TP53AIP1: variants seen among roughly 807,000 people sequenced by gnomAD.
The protein encoded by TP53AIP1 is p53-regulated apoptosis-inducing protein 1.
In TP53AIP1, 14 loss-of-function variants were observed where a neutral mutation model predicts 9.5. The ratio of observed to expected loss-of-function variants is 1.47; its 90% confidence interval spans 0.97 to 2.30. The LOEUF is 2.30. Among genes scored for constraint, TP53AIP1 ranks in the 30% most tolerant of loss-of-function variants. TP53AIP1 has a pLI of 0.00. For synonymous variants in TP53AIP1, 73 were observed against 61.2 expected, an observed-to-expected ratio of 1.19 and a Z score of -0.90; for missense variants, 153 against 146.7, an observed-to-expected ratio of 1.04 and a Z score of -0.22.
chr11:128,941,461 A>G (rs541170856), intron 1 of TP53AIP1, among the ~76,000 whole-genome samples: 26 of 152,288 alleles, frequency 1.7e-4, no homozygotes, highest in African/African-American at 6.0e-4. Context: ...CTGGTGTGTG[A>G]TGTGTGCAGT....
chr11:128,935,024 G>C, downstream of TP53AIP1: 1 of 703,128 alleles, frequency 1.4e-6, no homozygotes, highest in Non-Finnish European at 2.6e-6. Context: ...CTGCACACAG[G>C]CCAGGCAAGC....
rs1299862031 is a variant in TP53AIP1 at position 128,937,795 on chromosome 11, G to A, written c.24C>T (p.Ser8=). The A allele has an allele frequency of 1.2e-6, 2 of 1,612,562 alleles. No individual in the cohort carries two copies. Among genetic ancestry groups the A allele is most frequent in the African/African-American group, 2.7e-5 (2 of 74,834 alleles). The stretch of plus-strand genomic sequence containing the variant: ...TGCAGGAAGCTTGAGCAGATCTGAA[G>A]CTCGCCTCAGAGGAAGATCCCATCC... MGSSSEA[S]FRSAQASCSG... Residue 8 remains serine, a synonymous_variant, in exon 2 of 4, where the codon AGC becomes AGT. Transcript: ENST00000531399. The surrounding 1 kb of genome is among the most constrained non-coding windows in gnomAD (Gnocchi z 4.8).
chr11:128,935,877 G>A, intron 3 of TP53AIP1, 165 bp from the exon 4 acceptor site: 12 of 1,303,006 alleles, frequency 9.2e-6, no homozygotes, highest in Middle Eastern at 2.7e-4. Flanking sequence ...TCCCAAGACA[G>A]GAAAAAAAAT....
At chr11:128,934,866 C>G, downstream of TP53AIP1, 1 of 627,916 alleles carries the variant, frequency 1.6e-6, no homozygotes. Flanking sequence ...GTCATGCCCA[C>G]TGGGGATCCT....
At chr11:128,938,802 G>A (rs568328825) in intron 1 of TP53AIP1, among the ~76,000 whole-genome samples, 1 of 152,226 alleles carries the variant, frequency 6.6e-6, no homozygotes, top group East Asian at 1.9e-4. Flanking sequence ...GGAGACAGCG[G>A]CTCTCCACAC....
chr11:128,936,362 T>C lies in TP53AIP1; in HGVS notation c.253+176A>G, dbSNP rs141554269. On this transcript the variant is annotated intron_variant, in intron 3 of 3. Coordinates refer to ENST00000531399, the MANE Select transcript of TP53AIP1 (RefSeq NM_022112.3). Reference sequence around the variant, plus strand: ...TTTTAATTTGAGAAATTAAATAAAATACATCCACAGCAGTTTACAACTCTG... The same window carrying C: ...TTTTAATTTGAGAAATTAAATAAAACACATCCACAGCAGTTTACAACTCTG... 1,471 of 1,395,872 alleles carry C rather than the reference T, an allele frequency of 1.1e-3. 2 individuals carry two copies. Among genetic ancestry groups the C allele is most frequent in the Non-Finnish European group, 1.0e-3 (1,128 of 1,081,342 alleles). The allele number at this position is 1,395,872 out of a possible 1,614,324, so 86.5% of individuals were successfully genotyped here.
Position 128,937,404 on chromosome 11 carries a change from T to C in TP53AIP1, c.141+274A>G. 1 of 1,436,102 alleles carries C rather than the reference T, an allele frequency of 7.0e-7. No individual in the cohort carries two copies. Among genetic ancestry groups the C allele is most frequent in the South Asian group, 1.5e-5 (1 of 66,064 alleles). 89.0% of individuals were successfully genotyped at this position (1,436,102 alleles called of 1,614,324 possible). On this transcript the variant is annotated intron_variant, in intron 2 of 3. Coordinates refer to ENST00000531399, the MANE Select transcript of TP53AIP1 (RefSeq NM_022112.3). The surrounding 1 kb of genome is among the most constrained non-coding windows in gnomAD (Gnocchi z 4.8). ...CCACCTTCCTTCCAAAAGCCTTGTT[T>C]CTCAGAAAACCTTTCTGCCTCCTAG...
At chr11:128,942,300 C>T (rs950001043) in intron 1 of TP53AIP1, among the ~76,000 whole-genome samples, 35 of 152,140 alleles carry the variant, frequency 2.3e-4, no homozygotes, top group Admixed American at 6.5e-4. Flanking sequence ...ACAGGCTTCC[C>T]TAGGGGCCCT....
downstream of TP53AIP1, chr11:128,934,847 G>A: frequency 1.7e-6 from 1 of 602,276 alleles, no homozygotes; most frequent in East Asian, 2.9e-5. Flanking sequence ...TCCAATGTGG[G>A]CGATTGAGGT....
rs1301149958 is a variant in TP53AIP1 at position 128,935,996 on chromosome 11, G to A, written c.254-284C>T. ...GTAGGACATACTACGTACAGGTGCT[G>A]TTCTTAGCATTTCATATCTATCATT... On this transcript the variant is annotated intron_variant, in intron 3 of 3. Transcript: ENST00000531399. 8 of 923,646 alleles carry A rather than the reference G, an allele frequency of 8.7e-6. No homozygotes were observed. In the African/African-American group the frequency reaches 8.8e-5, roughly 10 times the overall value. 57.2% of individuals were successfully genotyped at this position (923,646 alleles called of 1,614,324 possible). A position where few individuals can be genotyped will look rare whatever the true frequency, so the allele number is the denominator to read the frequency against.
At chr11:128,941,728 G>A (rs1944946744) in intron 1 of TP53AIP1, among the ~76,000 whole-genome samples, 1 of 152,230 alleles carries the variant, frequency 6.6e-6, no homozygotes, top group Admixed American at 6.5e-5. Flanking sequence ...TGCTCCCTGA[G>A]GAGGGTTTGC....
chr11:128,935,443 G>A lies in TP53AIP1; in HGVS notation c.*148C>T. The A allele has an allele frequency of 6.3e-6, 9 of 1,423,912 alleles. No homozygotes were observed. Among genetic ancestry groups the A allele is most frequent in the Middle Eastern group, 2.6e-4 (1 of 3,860 alleles). The allele number at this position is 1,423,912 out of a possible 1,614,324, so 88.2% of individuals were successfully genotyped here. A position where few individuals can be genotyped will look rare whatever the true frequency, so the allele number is the denominator to read the frequency against. ...ATGAGGCAACCTAGCCACCCAACTG[G>A]CCCAGTGGTCAAGGGGGGAAATGAG... On this transcript the variant is annotated 3_prime_UTR_variant, in exon 4 of 4. Transcript: ENST00000531399.
At chr11:128,935,840 C>T in intron 3 of TP53AIP1, 128 bp from the exon 4 acceptor site, 2 of 1,361,474 alleles carry the variant, frequency 1.5e-6, no homozygotes, top group Non-Finnish European at 1.9e-6. Context: ...AAACACAATC[C>T]ATTGTAAGGC....
chr11:128,936,451 C>T (rs963474393), intron 3 of TP53AIP1, 87 bp downstream of exon 3: 8 of 1,446,008 alleles, frequency 5.5e-6, no homozygotes, highest in African/African-American at 1.4e-5. Flanking sequence ...AACCCTATGT[C>T]GTTACCTGGA....
In TP53AIP1 at chr11:128,939,077, G is replaced by A. The variant is rs1005362652; in HGVS notation, c.-76-1183C>T. Reference sequence around the variant, plus strand: ...CTTCCTGCAACCTTATGAAGTTCTCGCCCAATTTAACAAGCACTAACCAAA... The same window carrying A: ...CTTCCTGCAACCTTATGAAGTTCTCACCCAATTTAACAAGCACTAACCAAA... On this transcript the variant is annotated intron_variant, in intron 1 of 3. Coordinates refer to ENST00000531399, the MANE Select transcript of TP53AIP1 (RefSeq NM_022112.3). The surrounding 1 kb of genome is among the most constrained non-coding windows in gnomAD (Gnocchi z 4.1). Among the ~76,000 whole-genome samples, 36 of 152,116 alleles carry A rather than the reference G, an allele frequency of 2.4e-4. No homozygotes were observed. Among genetic ancestry groups the A allele is most frequent in the Non-Finnish European group, 4.1e-4 (28 of 68,020 alleles).
chr11:128,942,053 T>C (rs1944956058), intron 1 of TP53AIP1, among the ~76,000 whole-genome samples: 1 of 152,134 alleles, frequency 6.6e-6, no homozygotes, highest in Admixed American at 6.5e-5. Context: ...TGCATCCCCA[T>C]ACCTGTGGCA....
intron 3 of TP53AIP1, chr11:128,936,300 C>G (rs376391839): frequency 7.8e-7 from 1 of 1,274,870 alleles, no homozygotes; most frequent in East Asian, 3.5e-5. Flanking sequence ...ATTAGCTTGG[C>G]TGTAGTGACC....
chr11:128,940,425 GC>G (rs1214845527), intron 1 of TP53AIP1, among the ~76,000 whole-genome samples: 1 of 152,236 alleles, frequency 6.6e-6, no homozygotes, highest in Non-Finnish European at 1.5e-5. Flanking sequence ...AAGAGGTGGG[GC>G]CTTAAGAGGG....
At position 128,935,595 on chromosome 11, in the gene TP53AIP1, T is replaced by G; in HGVS notation, c.371A>C (p.Gln124Pro). The G allele has an allele frequency of 6.4e-7, 1 of 1,567,044 alleles. No homozygotes were observed. The highest frequency in any genetic ancestry group is 8.6e-7 in the Non-Finnish European group (1 of 1,163,916). The change falls in exon 4 of 4, where the codon CAG (glutamine) becomes CCG (proline). Residue 124 changes from glutamine to proline, a missense_variant. By Grantham distance (76) the Gln-to-Pro change is moderately conservative. Coordinates refer to ENST00000531399, the MANE Select transcript of TP53AIP1 (RefSeq NM_022112.3). Reference protein sequence around the residue: ...YDQKKAPLRLQ With the variant: ...YDQKKAPLRLP ...GTGCAGTGGCGTGATCTCGGCTCAC[T>G]GCAACCTCAACGGTGCTTTTTTCTG... is the stretch of plus-strand genomic sequence containing the variant.
Sources: allele counts gnomAD v4.1 joint callset (sites outside exome capture counted in the v4.1 genomes callset), GRCh38; gene constraint gnomAD v4.1.1; non-coding constraint Gnocchi (gnomAD v3.1); transcripts MANE v1.5; gene names NCBI Gene and HGNC (gene_info 2026-07-23, HGNC 2026-07-21).